Variants in CLCN6 observed in about 807,000 individuals in gnomAD.
The protein encoded by CLCN6 is Cl-/H+ antiporter 6.
In CLCN6, 70 loss-of-function variants were observed where a neutral mutation model predicts 109.8. The observed-to-expected ratio is 0.64, with a 90% CI of 0.53 to 0.78. The LOEUF is 0.78. Among genes scored for constraint, CLCN6 ranks in the 30% least tolerant of loss-of-function variants. The pLI is 0.00. For synonymous variants in CLCN6, 444 were observed against 447.8 expected (o/e 0.99, Z 0.11); for missense variants, 984 against 1,142.3 (o/e 0.86, Z 2.00).
At position 11,815,870 on chromosome 1, in the gene CLCN6, A is replaced by G; in HGVS notation, c.172A>G (p.Asn58Asp). Reference protein sequence around the residue: ...YESLDYDRCINDPYLEVLETM... With the variant: ...YESLDYDRCIDDPYLEVLETM... ...GAGTTTGGATTATGATCGCTGTATC[A>G]ATGACCCTTACCTGGAAGTTTTGGA... is the stretch of plus-strand genomic sequence containing the variant. The change falls in exon 3 of 23, where the codon AAT becomes GAT. Residue 58 changes from asparagine (N) to aspartate (D), a missense_variant. By Grantham distance (23) the Asn-to-Asp change is conservative. Transcript: ENST00000346436. 6.2e-7 allele frequency: 1 copy of G among 1,614,020 alleles called. No individual in the cohort carries two copies. The highest frequency in any genetic ancestry group is 1.1e-5 in the South Asian group (1 of 91,080).
Position 11,833,946 on chromosome 1 carries a change from G to A in CLCN6, c.1442G>A (p.Gly481Asp). The part of the protein sequence containing the change: ...LYFLLACWTY[G>D]ISVPSGLFVP... ...TTCTTGCTTGCATGTTGGACTTACG[G>A]CATTTCTGTTCCAAGTGGCCTTTTT... is the stretch of plus-strand genomic sequence containing the variant. The change falls in exon 15 of 23, where the codon GGC (glycine) becomes GAC (aspartate). Residue 481 changes from glycine to aspartate, a missense_variant. Transcript: ENST00000346436. The A allele has an allele frequency of 6.2e-7, 1 of 1,614,020 alleles. No homozygotes were observed. The highest frequency in any genetic ancestry group is 2.2e-5 in the East Asian group (1 of 44,882).
intron 13 of CLCN6, among the ~76,000 whole-genome samples, chr1:11,831,091 C>G (rs1440186888): frequency 1.3e-5 from 2 of 152,040 alleles, no homozygotes; most frequent in Non-Finnish European, 2.9e-5. Flanking sequence ...TCTCGGCCTC[C>G]CAAATTGCTA....
intron 10 of CLCN6, 64 bp from the exon 11 acceptor site, chr1:11,828,042 G>A: frequency 8.4e-7 from 1 of 1,190,608 alleles, no homozygotes; most frequent in Non-Finnish European, 1.3e-6. Flanking sequence ...CCAGGAGGAA[G>A]GGTTGGGAGA....
rs12027752 is a variant in CLCN6 at position 11,808,231 on chromosome 1, G to T, written c.147+1041G>T. On this transcript the variant is annotated intron_variant, in intron 2 of 22. Coordinates refer to ENST00000346436, the MANE Select transcript of CLCN6 (RefSeq NM_001286.5). Reference sequence around the variant, plus strand: ...TTATTGTATGTGTGTGTGTGTTTGTGTGTGTGTGTGTGTGTGTGTGTGTGT... The same window carrying T: ...TTATTGTATGTGTGTGTGTGTTTGTTTGTGTGTGTGTGTGTGTGTGTGTGT... Among the ~76,000 whole-genome samples the T allele has an allele frequency of 1.5e-3, 37 of 24,946 alleles. 1 individual carries two copies. The highest frequency in any genetic ancestry group is 0.01 in the Admixed American group (21 of 2,048). 16.4% of individuals were successfully genotyped at this position (24,946 alleles called of 152,430 possible). A position where few individuals can be genotyped will look rare whatever the true frequency, so the allele number is the denominator to read the frequency against.
chr1:11,829,394 G>C (rs977842575), intron 13 of CLCN6, 72 bp downstream of exon 13: 6 of 1,556,478 alleles, frequency 3.9e-6, no homozygotes, highest in Non-Finnish European at 4.4e-6. Context: ...ACCTTCCTCT[G>C]TTGAGAACTA....
chr1:11,838,278 G>A, intron 20 of CLCN6, 57 bp from the exon 21 acceptor site: 2 of 1,503,562 alleles, frequency 1.3e-6, no homozygotes, highest in Admixed American at 3.4e-5. Context: ...GGGCTCTAAG[G>A]TGACCCTGCT....
Position 11,834,173 on chromosome 1 carries a change from A to T in CLCN6, c.1527-63A>T, listed in dbSNP as rs532255879. The T allele has an allele frequency of 1.3e-6, 2 of 1,593,370 alleles. No individual in the cohort carries two copies. The highest frequency in any genetic ancestry group is 8.5e-7 in the Non-Finnish European group (1 of 1,169,922). ...GCATAGGCACAAGAGTATGAGCTGT[A>T]GGTCCTCCCCACAGCCTATCAGTGT... On this transcript the variant is annotated intron_variant, in intron 15 of 22. Transcript: ENST00000346436. The surrounding 1 kb of genome is among the most constrained non-coding windows in gnomAD (Gnocchi z 4.5).
At chr1:11,808,213 ATGTGTGTGTGTGTTTGTG>A (rs1400317681) in intron 2 of CLCN6, among the ~76,000 whole-genome samples, 20 of 123,540 alleles carry the variant, frequency 1.6e-4, no homozygotes, top group African/African-American at 5.9e-4. Context: ...TTTTTATTGT[ATGTGTGTGTGTGTTTGTG>A]TGTGTGTGTG....
chr1:11,825,034 A>T (rs1644794618), intron 8 of CLCN6, among the ~76,000 whole-genome samples: 1 of 152,078 alleles, frequency 6.6e-6, no homozygotes, highest in Non-Finnish European at 1.5e-5. Context: ...ACCTTCAATG[A>T]TTCGTTGTTA....
At position 11,834,776 on chromosome 1, in the gene CLCN6, A is replaced by G. The variant is rs950123964; in HGVS notation, c.1793+186A>G. Among the ~76,000 whole-genome samples, 1 of 152,132 alleles carries G rather than the reference A, an allele frequency of 6.6e-6. No individual in the cohort carries two copies. The highest frequency in any genetic ancestry group is 1.5e-5 in the Non-Finnish European group (1 of 67,998). On this transcript the variant is annotated intron_variant, in intron 17 of 22. Coordinates refer to ENST00000346436, the MANE Select transcript of CLCN6 (RefSeq NM_001286.5). The surrounding 1 kb of genome is among the most constrained non-coding windows in gnomAD (Gnocchi z 4.5). Reference sequence around the variant, plus strand: ...GGGCTGGGGGCTGCGGGGGCAGGGCAGGGGACACGGGCACTGTGGGACTGC... The same window carrying G: ...GGGCTGGGGGCTGCGGGGGCAGGGCGGGGGACACGGGCACTGTGGGACTGC...
At chr1:11,839,920 T>C (rs1013236597) in intron 22 of CLCN6, among the ~76,000 whole-genome samples, 1 of 152,208 alleles carries the variant, frequency 6.6e-6, no homozygotes, top group Non-Finnish European at 1.5e-5. Flanking sequence ...GACATTTTAG[T>C]TCAGATGCCA....
At chr1:11,837,520 A>T (rs1470560772) in intron 20 of CLCN6, 21 bp downstream of exon 20, 1 of 1,609,926 alleles carries the variant, frequency 6.2e-7, no homozygotes, top group South Asian at 1.1e-5. Flanking sequence ...CCGAGGCAGA[A>T]ATCAGCCAGG....
Position 11,837,003 on chromosome 1 carries a change from C to T in CLCN6, c.1985C>T (p.Ser662Phe), listed in dbSNP as rs772245001. ...LISNNIKFKKSSILTRAGEQR... is the reference protein window; with the variant it reads ...LISNNIKFKKFSILTRAGEQR... The stretch of plus-strand genomic sequence containing the variant: ...CTGTGGCCTCCCCACCCACAGAAAT[C>T]CAGCATCCTCACCCGGGCTGGCGAG... Residue 662 changes from serine to phenylalanine, a missense_variant, in exon 19 of 23, where the codon TCC becomes TTC. By Grantham distance (155) the Ser-to-Phe change is radical. Transcript: ENST00000346436. The T allele has an allele frequency of 1.2e-6, 2 of 1,609,250 alleles. No homozygotes were observed. The highest frequency in any genetic ancestry group is 1.3e-5 in the African/African-American group (1 of 75,060).
chr1:11,826,301 C>A, intron 9 of CLCN6, 87 bp downstream of exon 9: 1 of 1,131,714 alleles, frequency 8.8e-7, no homozygotes, highest in Non-Finnish European at 1.3e-6. Flanking sequence ...TCTAGCCTGG[C>A]AGTATCCCCT....
chr1:11,838,663 G>A lies in CLCN6; in HGVS notation c.2529+3G>A, dbSNP rs1325291732. On this transcript the variant is annotated splice_donor_region_variant and intron_variant, in intron 22 of 22. Transcript: ENST00000346436. ...CCGTGGTGAACGCTGTGGGAGAGGT[G>A]AGCGAGGCCCCGGCCCTGCCCCCAC... 3 of 1,614,108 alleles carry A rather than the reference G, an allele frequency of 1.9e-6. No individual in the cohort carries two copies. Among genetic ancestry groups the A allele is most frequent in the Non-Finnish European group, 1.7e-6 (2 of 1,180,052 alleles).
In CLCN6 at chr1:11,837,116, G is replaced by T; in HGVS notation, c.2098G>T (p.Ala700Ser). 6.2e-7 allele frequency: 1 copy of T among 1,613,258 alleles called. No individual in the cohort carries two copies. The highest frequency in any genetic ancestry group is 1.3e-5 in the African/African-American group (1 of 75,056). The change falls in exon 19 of 23, where the codon GCC becomes TCC. Residue 700 changes from alanine (A) to serine (S), a missense_variant. Physicochemically the swap from Ala to Ser is moderately conservative, Grantham distance 99. Coordinates refer to ENST00000346436, the MANE Select transcript of CLCN6 (RefSeq NM_001286.5). ...TGAGCACATCGCCTCTGAGGAGCCA[G>T]CCGAGAAGGAGGACCTCCTGCAGCA... The part of the protein sequence containing the change: ...CDEHIASEEP[A>S]EKEDLLQQML...
chr1:11,814,167 G>A (rs1319035768), intron 2 of CLCN6, among the ~76,000 whole-genome samples: 2 of 151,992 alleles, frequency 1.3e-5, no homozygotes, highest in Admixed American at 1.3e-4. Context: ...CCAATGTCCA[G>A]CTGATGTGGG....
chr1:11,828,222 ATGTTT>A lies in CLCN6; in HGVS notation c.954+7_954+11del. On this transcript the variant is annotated splice_donor_5th_base_variant and intron_variant, in intron 11 of 22. Transcript: ENST00000346436. ...TGCTGAACTTTGGCGAGTTTAAGGTATGTTTTGTCCTTTCCCCAAGGATTTTTAAT... is the reference window on the plus strand; with the variant it reads ...TGCTGAACTTTGGCGAGTTTAAGGTATGTCCTTTCCCCAAGGATTTTTAAT... 1 of 1,609,526 alleles carries A rather than the reference ATGTTT, an allele frequency of 6.2e-7. No homozygotes were observed. Among genetic ancestry groups the A allele is most frequent in the Non-Finnish European group, 8.5e-7 (1 of 1,175,948 alleles).
In CLCN6 at chr1:11,840,200, A is replaced by G. The variant is rs1401536313; in HGVS notation, c.2587A>G (p.Arg863Gly). The change falls in exon 23 of 23, where the codon AGG becomes GGG. Residue 863 changes from arginine to glycine, a missense_variant. Transcript: ENST00000346436. ...LTYEFLQARL[R>G]QHYQTI ...CTATGAATTTCTGCAGGCCCGGCTG[A>G]GGCAGCACTACCAGACCATCTGACA... 1 of 1,613,314 alleles carries G rather than the reference A, an allele frequency of 6.2e-7. No homozygotes were observed. The highest frequency in any genetic ancestry group is 8.5e-7 in the Non-Finnish European group (1 of 1,180,030).
Sources: gnomAD v4.1 joint callset for allele counts (sites outside exome capture counted in the v4.1 genomes callset) on GRCh38, gnomAD v4.1.1 for gene constraint, Gnocchi (gnomAD v3.1) non-coding constraint, MANE v1.5 for transcripts, NCBI Gene and HGNC (gene_info 2026-07-23, HGNC 2026-07-21) for gene names.